Variants in EPC2 observed in about 807,000 individuals in gnomAD.
EPC2 encodes the protein enhancer of polycomb 2.
In EPC2, 14 loss-of-function variants were observed where a neutral mutation model predicts 92.1. The observed-to-expected ratio is 0.15, with a 90% CI of 0.10 to 0.24. The LOEUF is 0.24. Among genes scored for constraint, EPC2 ranks in the 10% least tolerant of loss-of-function variants. The pLI, the probability that EPC2 is intolerant of heterozygous loss-of-function variation, is 1.00. For missense variants in EPC2, 755 were observed against 971.5 expected (o/e 0.78, Z 2.96); for synonymous variants, 340 against 334.7 (o/e 1.02, Z -0.17).
intron 1 of EPC2, among the ~76,000 whole-genome samples, chr2:148,665,310 A>G (rs1681035750): frequency 1.3e-5 from 2 of 152,236 alleles, no homozygotes; most frequent in African/African-American, 2.4e-5. Context: ...AATTAACTGA[A>G]TATCAACTAA....
intron 1 of EPC2, among the ~76,000 whole-genome samples, chr2:148,647,754 T>C (rs910632811): frequency 6.7e-6 from 1 of 149,664 alleles, no homozygotes; most frequent in Non-Finnish European, 1.5e-5. Context: ...TGCCTCAGCC[T>C]CTCAAGTAGT....
intron 1 of EPC2, among the ~76,000 whole-genome samples, chr2:148,674,571 G>A (rs974852707): frequency 2.0e-5 from 3 of 152,176 alleles, no homozygotes; most frequent in African/African-American, 7.2e-5. Flanking sequence ...TCTGTTCTCA[G>A]TGGACCCCAG....
At chr2:148,685,887 A>C (rs1351372058) in intron 1 of EPC2, among the ~76,000 whole-genome samples, 9 of 152,280 alleles carry the variant, frequency 5.9e-5, no homozygotes, top group Non-Finnish European at 1.2e-4. Context: ...TATTGCTAAA[A>C]AATGGTTGCT....
chr2:148,648,532 C>G (rs543254130), intron 1 of EPC2, among the ~76,000 whole-genome samples: 1 of 152,044 alleles, frequency 6.6e-6, no homozygotes, highest in Non-Finnish European at 1.5e-5. Flanking sequence ...ACAAACAAAC[C>G]AACCTTGGCT....
Position 148,762,809 on chromosome 2 carries a change from ATTGTC to A in EPC2, c.948+9_948+13del, listed in dbSNP as rs1209343863. On this transcript the variant is annotated splice_region_variant and intron_variant, in intron 6 of 13. Coordinates refer to ENST00000258484, the MANE Select transcript of EPC2 (RefSeq NM_015630.4). Reference sequence around the variant, plus strand: ...TCAAGAATGTAAAACTAAGGTGAATATTGTCTGGGAAGAAGCATGTATGGATGGTA... The same window carrying A: ...TCAAGAATGTAAAACTAAGGTGAATATGGGAAGAAGCATGTATGGATGGTA... The A allele has an allele frequency of 2.5e-6, 4 of 1,597,968 alleles. No homozygotes were observed. The highest frequency in any genetic ancestry group is 3.4e-6 in the Non-Finnish European group (4 of 1,174,220).
intron 10 of EPC2, among the ~76,000 whole-genome samples, chr2:148,778,085 A>C (rs1240454209): frequency 1.3e-5 from 2 of 152,204 alleles, no homozygotes; most frequent in African/African-American, 2.4e-5. Context: ...CTTCTCATCT[A>C]TCTGGAGTAT....
intron 2 of EPC2, among the ~76,000 whole-genome samples, chr2:148,722,179 A>T (rs945913604): frequency 3.9e-5 from 6 of 152,078 alleles, no homozygotes; most frequent in Non-Finnish European, 8.8e-5. Flanking sequence ...GTGAGATTTG[A>T]TAGTTTCATG....
chr2:148,726,742 G>GT (rs1196049437), intron 2 of EPC2, among the ~76,000 whole-genome samples: 3,419 of 98,260 alleles, frequency 0.035, 71 homozygotes, highest in Non-Finnish European at 0.055. Flanking sequence ...TTGCTTTTGG[G>GT]TTTTTTTTTT....
At chr2:148,761,967 T>G in intron 5 of EPC2, 37 bp downstream of exon 5, 1 of 1,524,018 alleles carries the variant, frequency 6.6e-7, no homozygotes, top group South Asian at 1.3e-5. Context: ...AAATGACAAC[T>G]TTACCAAATG....
At chr2:148,720,537 T>A (rs1250762095) in intron 2 of EPC2, among the ~76,000 whole-genome samples, 1 of 152,192 alleles carries the variant, frequency 6.6e-6, no homozygotes, top group African/African-American at 2.4e-5. Context: ...CTGGAGTATG[T>A]AAAGCTCTTG....
intron 6 of EPC2, 122 bp from the exon 7 acceptor site, chr2:148,764,832 TA>T: frequency 1.4e-6 from 1 of 711,400 alleles, no homozygotes; most frequent in Non-Finnish European, 2.0e-6. Flanking sequence ...TTTTGCGTAT[TA>T]AAAACAATAA....
chr2:148,743,103 A>G (rs1682911654), intron 2 of EPC2, among the ~76,000 whole-genome samples: 1 of 152,090 alleles, frequency 6.6e-6, no homozygotes, highest in African/African-American at 2.4e-5. Flanking sequence ...TTTACTTTTT[A>G]CCATTAAATT....
intron 2 of EPC2, among the ~76,000 whole-genome samples, chr2:148,709,381 G>T (rs1236035659): frequency 2.0e-5 from 3 of 152,208 alleles, no homozygotes; most frequent in African/African-American, 7.2e-5. Flanking sequence ...CATGCTCATG[G>T]ATAGGAAGAA....
At chr2:148,650,008 T>A (rs145167123) in intron 1 of EPC2, among the ~76,000 whole-genome samples, 1 of 152,294 alleles carries the variant, frequency 6.6e-6, no homozygotes, top group East Asian at 1.9e-4. Context: ...TTGGCACCAT[T>A]ATATTTATCC....
intron 1 of EPC2, among the ~76,000 whole-genome samples, chr2:148,668,453 T>C (rs1681095134): frequency 6.6e-6 from 1 of 152,202 alleles, no homozygotes; most frequent in Non-Finnish European, 1.5e-5. Flanking sequence ...ACTGGCCTCG[T>C]GGAATGAGTT....
At chr2:148,711,914 T>C (rs1163642479) in intron 2 of EPC2, among the ~76,000 whole-genome samples, 1 of 152,146 alleles carries the variant, frequency 6.6e-6, no homozygotes, top group East Asian at 1.9e-4. Flanking sequence ...TTTGTTTTGA[T>C]TGGTGTAAGC....
At chr2:148,771,570 T>G (rs1024082418) in intron 10 of EPC2, among the ~76,000 whole-genome samples, 183 bp downstream of exon 10, 7 of 152,184 alleles carry the variant, frequency 4.6e-5, no homozygotes, top group African/African-American at 1.7e-4. Context: ...GACATCTGTT[T>G]CGGGTGTGTG....
At position 148,776,856 on chromosome 2, in the gene EPC2, C is replaced by CTCTCTTTTTTTTTT. The variant is rs1247135854; in HGVS notation, c.1721-4787_1721-4786insCTCTTTTTTTTTTT. On this transcript the variant is annotated intron_variant, in intron 10 of 13. Coordinates refer to ENST00000258484, the MANE Select transcript of EPC2 (RefSeq NM_015630.4). ...ACATAGCAAGACCCTGTCTCTCTCT[C>CTCTCTTTTTTTTTT]TTTTTTTTTTTTTTTTTTTTTTGAG... is the stretch of plus-strand genomic sequence containing the variant. Among the ~76,000 whole-genome samples, 10 of 101,042 alleles carry CTCTCTTTTTTTTTT rather than the reference C, an allele frequency of 9.9e-5. 1 individual carries two copies. The highest frequency in any genetic ancestry group is 3.7e-4 in the African/African-American group (10 of 27,090). The allele number at this position is 101,042 out of a possible 152,430, so 66.3% of individuals were successfully genotyped here.
chr2:148,757,391 T>C (rs1683212668), intron 4 of EPC2, among the ~76,000 whole-genome samples: 1 of 151,454 alleles, frequency 6.6e-6, no homozygotes, highest in African/African-American at 2.4e-5. Context: ...AAAATATATA[T>C]ATATTGATAT....
Sources: allele counts gnomAD v4.1 joint callset (sites outside exome capture counted in the v4.1 genomes callset), GRCh38; gene constraint gnomAD v4.1.1; transcripts MANE v1.5; gene names NCBI Gene and HGNC (gene_info 2026-07-23, HGNC 2026-07-21).